PKHD1: variants seen among roughly 807,000 people sequenced by gnomAD.
PKHD1 encodes the protein fibrocystin.
Under a neutral mutation model 412.0 loss-of-function variants are expected in PKHD1, and 291 were observed. The ratio of observed to expected loss-of-function variants is 0.71; its 90% CI spans 0.64 to 0.78. PKHD1 has a LOEUF of 0.78. Among genes scored for constraint, PKHD1 ranks in the 30% least tolerant of loss-of-function variants. PKHD1 has a pLI of 0.00. For synonymous variants in PKHD1, 1,777 were observed against 1,821.5 expected (o/e 0.98, Z 0.62); for missense variants, 4,825 against 4,950.7 (o/e 0.97, Z 0.76).
At chr6:51,760,198 G>T (rs1787759729) in intron 55 of PKHD1, among the ~76,000 whole-genome samples, 1 of 152,048 alleles carries the variant, frequency 6.6e-6, no homozygotes, top group Non-Finnish European at 1.5e-5. Context: ...TCTCTCATTT[G>T]TTAGATAATA....
intron 55 of PKHD1, among the ~76,000 whole-genome samples, chr6:51,765,505 C>T (rs1788839309): frequency 6.6e-6 from 1 of 152,072 alleles, no homozygotes; most frequent in African/African-American, 2.4e-5. Context: ...TCCTGTTTCC[C>T]CCCTACCCCC....
chr6:51,951,133 C>T (rs1297516411), intron 36 of PKHD1, among the ~76,000 whole-genome samples: 3 of 152,018 alleles, frequency 2.0e-5, no homozygotes, highest in African/African-American at 4.8e-5. Flanking sequence ...TAAGTAAATG[C>T]CTTTGTTATT....
chr6:51,953,701 G>A (rs942734022), intron 36 of PKHD1, among the ~76,000 whole-genome samples: 1 of 151,920 alleles, frequency 6.6e-6, no homozygotes, highest in Non-Finnish European at 1.5e-5. Flanking sequence ...CAGTGAGTCA[G>A]AAGAAGATGC....
Position 52,053,198 on chromosome 6 carries a change from T to C in PKHD1, c.2018A>G (p.Asp673Gly). 1 of 1,614,052 alleles carries C rather than the reference T, an allele frequency of 6.2e-7. No homozygotes were observed. Among genetic ancestry groups the C allele is most frequent in the Non-Finnish European group, 8.5e-7 (1 of 1,179,994 alleles). Residue 673 changes from aspartate to glycine, a missense_variant, in exon 21 of 67, where the codon GAT becomes GGT. Asp to Gly is a moderately conservative substitution (Grantham distance 94, BLOSUM62 -1). Transcript: ENST00000371117. ...GGAGTTTGCCGGAGGGGGCTGGAGA[T>C]CCCCGAAGCAACGCACACAAGTCTC... ...LWETCVRCFG[D>G]LQPPPANSPV...
intron 16 of PKHD1, 120 bp downstream of exon 16, chr6:52,058,203 T>C: frequency 1.1e-6 from 1 of 885,092 alleles, no homozygotes; most frequent in Non-Finnish European, 1.9e-6. Context: ...ATATCCTATT[T>C]CTTTGACAGC....
At chr6:51,654,759 C>T (rs921964446) in intron 61 of PKHD1, among the ~76,000 whole-genome samples, 4 of 151,890 alleles carry the variant, frequency 2.6e-5, no homozygotes, top group African/African-American at 7.3e-5. Flanking sequence ...ATTCAGTATA[C>T]GAAAAATAGT....
Position 51,619,001 on chromosome 6 carries a change from A to G in PKHD1, c.*80T>C. 1 of 1,261,170 alleles carries G rather than the reference A, an allele frequency of 7.9e-7. No homozygotes were observed. Among genetic ancestry groups the G allele is most frequent in the Non-Finnish European group, 1.2e-6 (1 of 860,654 alleles). 78.1% of individuals were successfully genotyped at this position (1,261,170 alleles called of 1,614,324 possible). ...CTCTTCTTAGTTGTCCCAGCAGGACAGTCCTCACTTCCCCAGCTTATTATC... is the reference window on the plus strand; with the variant it reads ...CTCTTCTTAGTTGTCCCAGCAGGACGGTCCTCACTTCCCCAGCTTATTATC... On this transcript the variant is annotated 3_prime_UTR_variant, in exon 67 of 67. Coordinates refer to ENST00000371117, the MANE Select transcript of PKHD1 (RefSeq NM_138694.4).
chr6:51,822,882 C>T (rs1204399991), intron 52 of PKHD1, among the ~76,000 whole-genome samples: 3 of 152,038 alleles, frequency 2.0e-5, no homozygotes, highest in Non-Finnish European at 2.9e-5. Flanking sequence ...ATCAATTCTG[C>T]TTTCCCATCA....
intron 49 of PKHD1, among the ~76,000 whole-genome samples, chr6:51,852,199 A>C (rs1181054940): frequency 1.3e-4 from 20 of 152,076 alleles, no homozygotes; most frequent in Non-Finnish European, 1.5e-5. Context: ...ATTTCCATGA[A>C]ATTTTGTGGT....
At chr6:51,978,344 T>G (rs761557289) in intron 35 of PKHD1, among the ~76,000 whole-genome samples, 4 of 152,098 alleles carry the variant, frequency 2.6e-5, no homozygotes, top group East Asian at 1.9e-4. Context: ...TCAAAACACA[T>G]CATAAGATAA....
Position 52,083,038 on chromosome 6 carries a change from G to T in PKHD1, c.130+140C>A, listed in dbSNP as rs924824539. ...TAGCAAGCCAGTATCTAGAAAGACA[G>T]AAGTTGGTCAGTCTGTTCGTCTCCC... On this transcript the variant is annotated intron_variant, in intron 3 of 66. Transcript: ENST00000371117. 1.1e-5 allele frequency: 8 copies of T among 699,080 alleles called. No homozygotes were observed. In the Admixed American group the frequency reaches 1.4e-4, roughly 13 times the overall value. 43.3% of individuals were successfully genotyped at this position (699,080 alleles called of 1,614,324 possible).
intron 35 of PKHD1, among the ~76,000 whole-genome samples, chr6:51,965,009 T>C (rs981816949): frequency 1.3e-5 from 2 of 152,092 alleles, no homozygotes; most frequent in African/African-American, 2.4e-5. Flanking sequence ...CTTCATACCA[T>C]TCATTAAATA....
intron 60 of PKHD1, among the ~76,000 whole-genome samples, chr6:51,728,494 TA>T (rs1402227708): frequency 1.3e-5 from 2 of 152,192 alleles, no homozygotes; most frequent in Non-Finnish European, 2.9e-5. Context: ...TATCACAACT[TA>T]TTATTTTGAC....
At chr6:51,662,210 T>C (rs1305204530) in intron 60 of PKHD1, among the ~76,000 whole-genome samples, 1 of 151,914 alleles carries the variant, frequency 6.6e-6, no homozygotes, top group African/African-American at 2.4e-5. Context: ...CTAAAAGCAA[T>C]GTCCTATATG....
chr6:52,010,231 T>C, intron 35 of PKHD1, 78 bp downstream of exon 35: 1 of 1,306,306 alleles, frequency 7.7e-7, no homozygotes, highest in East Asian at 2.4e-5. Flanking sequence ...TTGGACTAAA[T>C]TGTTTTTTTA....
intron 66 of PKHD1, among the ~76,000 whole-genome samples, chr6:51,620,412 G>GTA (rs1581706313): frequency 6.6e-6 from 1 of 152,080 alleles, no homozygotes; most frequent in Non-Finnish European, 1.5e-5. Flanking sequence ...ATGCATGGGA[G>GTA]TATACCATGC....
At chr6:51,720,686 T>A (rs1282970074) in intron 60 of PKHD1, among the ~76,000 whole-genome samples, 1 of 152,076 alleles carries the variant, frequency 6.6e-6, no homozygotes, top group Admixed American at 6.6e-5. Context: ...ATTTATCATA[T>A]TTAGGATATT....
At chr6:51,810,419 T>A (rs1439841658) in intron 52 of PKHD1, among the ~76,000 whole-genome samples, 1 of 152,194 alleles carries the variant, frequency 6.6e-6, no homozygotes, top group Non-Finnish European at 1.5e-5. Context: ...TTTAAATGTC[T>A]GCTTAGATTT....
chr6:51,687,560 C>G (rs1250669185), intron 60 of PKHD1, among the ~76,000 whole-genome samples: 1 of 152,296 alleles, frequency 6.6e-6, no homozygotes, highest in African/African-American at 2.4e-5. Flanking sequence ...CACATTTTGC[C>G]ACCATGTCAC....
Sources: gnomAD v4.1 joint callset for allele counts (sites outside exome capture counted in the v4.1 genomes callset) on GRCh38, gnomAD v4.1.1 for gene constraint, MANE v1.5 for transcripts, NCBI Gene and HGNC (gene_info 2026-07-23, HGNC 2026-07-21) for gene names.